SYN3: variants seen among roughly 807,000 people sequenced by gnomAD.
The protein encoded by SYN3 is synapsin III.
A neutral mutation model predicts 65.8 loss-of-function variants in SYN3; 35 were observed. That is an observed-to-expected ratio of 0.53 (90% CI 0.41 to 0.70). SYN3 has a LOEUF of 0.70. SYN3 is among the 30% of genes least tolerant of loss of function. The pLI is 0.00. For missense variants in SYN3, 680 were observed against 749.0 expected, an observed-to-expected ratio of 0.91 and a Z score of 1.08; for synonymous variants, 270 against 292.9, an observed-to-expected ratio of 0.92 and a Z score of 0.80.
rs574391040 is a variant in SYN3, at chr22:32,803,579, T to A, written c.711+61336A>T. Among the ~76,000 whole-genome samples the A allele has an allele frequency of 3.3e-5, 5 of 152,280 alleles. 1 individual carries two copies. In the South Asian group the frequency reaches 8.3e-4, roughly 25 times the overall value. ...AGGATTTGTGGATTGCTTAGAAAGA[T>A]CCTTTTGGGCAGCCTGAAGACTGGG... On this transcript the variant is annotated intron_variant, in intron 6 of 13. Transcript: ENST00000358763.
At chr22:32,823,533 C>T (rs1172296711) in intron 6 of SYN3, among the ~76,000 whole-genome samples, 1 of 152,132 alleles carries the variant, frequency 6.6e-6, no homozygotes, top group Non-Finnish European at 1.5e-5. Context: ...GCCGACCAGG[C>T]CTGGAGGGTG....
intron 4 of SYN3, among the ~76,000 whole-genome samples, chr22:32,919,379 T>C (rs1167382319): frequency 6.6e-6 from 1 of 152,234 alleles, no homozygotes; most frequent in Non-Finnish European, 1.5e-5. Flanking sequence ...TTTCTGCAAC[T>C]CTAGTATCAG....
intron 6 of SYN3, among the ~76,000 whole-genome samples, chr22:32,756,455 T>A (rs1332043222): frequency 6.6e-6 from 1 of 152,186 alleles, no homozygotes; most frequent in East Asian, 1.9e-4. Flanking sequence ...AAATGGACAG[T>A]CTGATGCTTG....
chr22:32,677,621 A>G (rs1306981890), intron 6 of SYN3, among the ~76,000 whole-genome samples: 1 of 151,724 alleles, frequency 6.6e-6, no homozygotes, highest in Non-Finnish European at 1.5e-5. Context: ...ACACGGTGAA[A>G]CTCCATCTCT....
intron 4 of SYN3, among the ~76,000 whole-genome samples, chr22:32,875,727 T>C (rs1389566668): frequency 3.9e-5 from 6 of 152,040 alleles, no homozygotes; most frequent in Non-Finnish European, 8.8e-5. Flanking sequence ...ATACAGGGAA[T>C]TTCAAGGATT....
At chr22:32,829,267 G>A (rs149648843) in intron 6 of SYN3, among the ~76,000 whole-genome samples, 3 of 152,220 alleles carry the variant, frequency 2.0e-5, no homozygotes, top group African/African-American at 4.8e-5. Flanking sequence ...TCGTGATCAC[G>A]CCTGGTGGCT....
chr22:33,023,947 AG>A (rs2053599409), intron 1 of SYN3, among the ~76,000 whole-genome samples: 1 of 152,164 alleles, frequency 6.6e-6, no homozygotes, highest in Non-Finnish European at 1.5e-5. Context: ...GAAGCTGGAG[AG>A]GTGTCCACCT....
In SYN3 at chr22:32,527,988, T is replaced by C. The variant is rs2058009140; in HGVS notation, c.1248A>G (p.Ser416=). 1.3e-6 allele frequency: 2 copies of C among 1,583,582 alleles called. No individual in the cohort carries two copies. The highest frequency in any genetic ancestry group is 1.8e-5 in the Admixed American group (1 of 56,502). Residue 416 remains serine (S), a synonymous_variant, in exon 12 of 14, where the codon TCA becomes TCG. Coordinates refer to ENST00000358763, the MANE Select transcript of SYN3 (RefSeq NM_003490.4). ...GCTGGGCTTGCCCTGGGGATTTCGC[T>C]GATTTAATCTGTGGAGCCTAGAGCA... ...PLRPWAPQIK[S]AKSPGQAQLG...
chr22:32,915,540 G>C (rs1420295116), intron 4 of SYN3, among the ~76,000 whole-genome samples: 1 of 152,182 alleles, frequency 6.6e-6, no homozygotes, highest in Non-Finnish European at 1.5e-5. Flanking sequence ...TTTGAGCAAG[G>C]CCGAAATGTA....
chr22:32,688,648 CAA>C (rs2060623636), intron 6 of SYN3, among the ~76,000 whole-genome samples: 2 of 151,882 alleles, frequency 1.3e-5, no homozygotes, highest in African/African-American at 2.4e-5. Context: ...CCCAGTTTTT[CAA>C]AGAGATTTTT....
intron 4 of SYN3, among the ~76,000 whole-genome samples, chr22:32,883,205 G>A (rs2049191127): frequency 6.6e-6 from 1 of 152,210 alleles, no homozygotes; most frequent in African/African-American, 2.4e-5. Context: ...TGTGGACCCT[G>A]CCCTCCCTGC....
chr22:32,948,004 G>C (rs2051164965), intron 3 of SYN3, among the ~76,000 whole-genome samples: 1 of 152,132 alleles, frequency 6.6e-6, no homozygotes, highest in Non-Finnish European at 1.5e-5. Flanking sequence ...TCGTTTCCTG[G>C]GAGAGACTCT....
At chr22:32,539,932 G>A (rs1601595209) in intron 8 of SYN3, among the ~76,000 whole-genome samples, 2 of 152,220 alleles carry the variant, frequency 1.3e-5, no homozygotes, top group South Asian at 4.1e-4. Context: ...GGGGCAGGGA[G>A]GAGGTGATTT....
chr22:32,683,841 C>A (rs2060555484), intron 6 of SYN3, among the ~76,000 whole-genome samples: 1 of 152,050 alleles, frequency 6.6e-6, no homozygotes, highest in Non-Finnish European at 1.5e-5. Flanking sequence ...ATAACAATAC[C>A]CTTCTCTACT....
intron 6 of SYN3, among the ~76,000 whole-genome samples, chr22:32,789,950 C>G (rs951337417): frequency 1.3e-5 from 2 of 152,222 alleles, no homozygotes; most frequent in African/African-American, 2.4e-5. Context: ...GGCTCTGTGC[C>G]AGGAATTCTG....
intron 1 of SYN3, among the ~76,000 whole-genome samples, chr22:33,014,720 C>A (rs1276577203): frequency 6.6e-6 from 1 of 152,044 alleles, no homozygotes; most frequent in Non-Finnish European, 1.5e-5. Context: ...GCGGGAGTTG[C>A]GGTGAGCCGA....
At chr22:32,857,925 T>C in intron 6 of SYN3, 1 of 1,592,792 alleles carries the variant, frequency 6.3e-7, no homozygotes, top group Non-Finnish European at 8.6e-7. Context: ...CCACAGTGCC[T>C]GGGCTAAGTG....
chr22:33,031,255 C>T (rs922167255), intron 1 of SYN3, among the ~76,000 whole-genome samples: 7 of 152,154 alleles, frequency 4.6e-5, no homozygotes, highest in East Asian at 1.9e-4. Flanking sequence ...GACAGAACTC[C>T]TGGGGTCCTG....
chr22:32,519,695 T>C (rs2057843998), intron 12 of SYN3: 1 of 152,194 alleles, frequency 6.6e-6, no homozygotes, highest in Non-Finnish European at 1.5e-5. Context: ...AGGTGCACTC[T>C]CCTAACCCTC....
Sources: allele counts gnomAD v4.1 joint callset (sites outside exome capture counted in the v4.1 genomes callset), GRCh38; gene constraint gnomAD v4.1.1; transcripts MANE v1.5; gene names NCBI Gene and HGNC (gene_info 2026-07-23, HGNC 2026-07-21).